OPCML: variants seen among roughly 807,000 people sequenced by gnomAD.
OPCML encodes opioid-binding protein/cell adhesion molecule.
A neutral mutation model predicts 37.8 loss-of-function variants in OPCML; 13 were observed. The ratio of observed to expected loss-of-function variants is 0.34; its 90% CI spans 0.22 to 0.55. The LOEUF is 0.55. Among genes scored for constraint, OPCML ranks in the 20% least tolerant of loss-of-function variants. The pLI is 0.91. For synonymous variants in OPCML, 176 were observed against 168.8 expected (o/e 1.04, Z -0.33); for missense variants, 341 against 435.6 (o/e 0.78, Z 1.93).
At position 133,133,259 on chromosome 11, in the gene OPCML, T is replaced by C. The variant is rs148039674; in HGVS notation, c.62-190249A>G. Reference sequence around the variant, plus strand: ...GGGTGGCAGGGCGGCTGGAGTCTGGTTCGGAAGCAGTGTCCTGATTGTGCA... The same window carrying C: ...GGGTGGCAGGGCGGCTGGAGTCTGGCTCGGAAGCAGTGTCCTGATTGTGCA... On this transcript the variant is annotated intron_variant, in intron 1 of 7. Transcript: ENST00000524381. Among the ~76,000 whole-genome samples the C allele has an allele frequency of 1.4e-4, 22 of 152,230 alleles. 1 individual carries two copies. In the East Asian group the frequency reaches 4.2e-3, roughly 29 times the overall value.
intron 2 of OPCML, among the ~76,000 whole-genome samples, chr11:132,710,521 T>C (rs1237337685): frequency 6.6e-6 from 1 of 152,186 alleles, no homozygotes; most frequent in East Asian, 1.9e-4. Flanking sequence ...AACAATTGCC[T>C]ATTAGTTGTC....
rs574073056 is a variant in OPCML, at chr11:132,499,198, G to A, written c.505+29863C>T. Among the ~76,000 whole-genome samples, 5 of 152,286 alleles carry A rather than the reference G, an allele frequency of 3.3e-5. No individual in the cohort carries two copies. The South Asian group carries it at 1.0e-3, about 32-fold the overall frequency. ...TCCAGGTGCAGGGAGCTGAGGAAAG[G>A]GTCCCTCTGCCAGCCCTAAGACAGC... On this transcript the variant is annotated intron_variant, in intron 4 of 7. Coordinates refer to ENST00000524381, the MANE Select transcript of OPCML (RefSeq NM_001012393.5).
intron 1 of OPCML, chr11:133,006,626 T>C (rs1316992309): frequency 1.0e-6 from 1 of 985,460 alleles, no homozygotes; most frequent in Admixed American, 6.1e-5. Context: ...GCCAGAACTA[T>C]GTGAAACTCA....
At chr11:133,142,769 G>T (rs914275702) in intron 1 of OPCML, among the ~76,000 whole-genome samples, 1 of 152,068 alleles carries the variant, frequency 6.6e-6, no homozygotes, top group African/African-American at 2.4e-5. Context: ...AGAGATGGCT[G>T]TTGTATGATG....
chr11:132,435,752 C>A (rs575036079), intron 7 of OPCML, among the ~76,000 whole-genome samples: 1 of 152,322 alleles, frequency 6.6e-6, no homozygotes, highest in East Asian at 1.9e-4. Context: ...ATCAGAGACT[C>A]CAACTACAGA....
rs372606200 is a variant in OPCML, at chr11:133,044,276, T to C, written c.62-101266A>G. Among the ~76,000 whole-genome samples the C allele has an allele frequency of 1.8e-4, 27 of 152,184 alleles. 1 individual carries two copies. The East Asian group carries it at 4.3e-3, about 24-fold the overall frequency. The stretch of plus-strand genomic sequence containing the variant: ...AGCTAGAGAAAGGGGTAAAAGATAG[T>C]AAATGTAGAGATTCGAGGCAAAGGA... On this transcript the variant is annotated intron_variant, in intron 1 of 7. Coordinates refer to ENST00000524381, the MANE Select transcript of OPCML (RefSeq NM_001012393.5).
chr11:132,885,118 C>A (rs1240308615), intron 2 of OPCML, among the ~76,000 whole-genome samples: 1 of 152,234 alleles, frequency 6.6e-6, no homozygotes, highest in Non-Finnish European at 1.5e-5. Context: ...CACCCCACCA[C>A]CAAATGCCAG....
intron 1 of OPCML, among the ~76,000 whole-genome samples, chr11:133,227,916 C>T (rs891135112): frequency 6.6e-6 from 1 of 152,192 alleles, no homozygotes; most frequent in Non-Finnish European, 1.5e-5. Flanking sequence ...TTGGGTCAGG[C>T]TTTGGCCCAG....
chr11:132,663,139 A>G (rs1942057901), intron 2 of OPCML, among the ~76,000 whole-genome samples: 1 of 152,240 alleles, frequency 6.6e-6, no homozygotes, highest in Admixed American at 6.5e-5. Flanking sequence ...TAGAGCTTAC[A>G]TCACTGAATT....
At chr11:132,941,295 TG>T (rs1389412430) in intron 2 of OPCML, among the ~76,000 whole-genome samples, 1 of 152,156 alleles carries the variant, frequency 6.6e-6, no homozygotes, top group Non-Finnish European at 1.5e-5. Flanking sequence ...TTGAAGTTTC[TG>T]GTTTAATTTT....
chr11:133,131,075 C>G (rs557131572), intron 1 of OPCML, among the ~76,000 whole-genome samples: 2 of 152,168 alleles, frequency 1.3e-5, no homozygotes, highest in South Asian at 4.2e-4. Flanking sequence ...TGTCCTTACA[C>G]AAGGGACCCT....
intron 1 of OPCML, among the ~76,000 whole-genome samples, chr11:133,399,044 G>A (rs1945346011): frequency 6.6e-6 from 1 of 152,182 alleles, no homozygotes; most frequent in African/African-American, 2.4e-5. Context: ...CACAAAATTG[G>A]GAATCTTGGT....
rs868429624 is a variant in OPCML, at chr11:132,650,172, A to G, written c.379+6915T>C. On this transcript the variant is annotated intron_variant, in intron 3 of 7. Coordinates refer to ENST00000524381, the MANE Select transcript of OPCML (RefSeq NM_001012393.5). ...TTCTCTAACCAAAAAGTGAACAACA[A>G]GGTTTACAGTCACCCCTAACTAGCA... Among the ~76,000 whole-genome samples, 4 of 152,360 alleles carry G rather than the reference A, an allele frequency of 2.6e-5. 1 individual carries two copies. In the South Asian group the frequency reaches 6.2e-4, roughly 24 times the overall value.
At chr11:132,422,963 T>C (rs1044287042) in intron 7 of OPCML, among the ~76,000 whole-genome samples, 4 of 152,234 alleles carry the variant, frequency 2.6e-5, no homozygotes, top group African/African-American at 9.6e-5. Flanking sequence ...CTTCTCGCAT[T>C]GCAAATTGAG....
chr11:132,832,669 A>T (rs1481296659), intron 2 of OPCML, among the ~76,000 whole-genome samples: 1 of 152,252 alleles, frequency 6.6e-6, no homozygotes, highest in Non-Finnish European at 1.5e-5. Flanking sequence ...CTTTTCAAAT[A>T]CGGTCATGTG....
chr11:133,103,767 G>C (rs908064282), intron 1 of OPCML, among the ~76,000 whole-genome samples: 3 of 152,142 alleles, frequency 2.0e-5, no homozygotes, highest in Admixed American at 1.3e-4. Context: ...TACCAGGCTG[G>C]CATTAAAGTA....
At chr11:133,490,078 G>A (rs1397304341) in intron 1 of OPCML, among the ~76,000 whole-genome samples, 1 of 152,144 alleles carries the variant, frequency 6.6e-6, no homozygotes, top group African/African-American at 2.4e-5. Flanking sequence ...AATCAGCTAT[G>A]GCTAAGGATA....
chr11:133,373,755 G>A (rs908297585), intron 1 of OPCML, among the ~76,000 whole-genome samples: 13 of 151,966 alleles, frequency 8.6e-5, no homozygotes, highest in South Asian at 2.1e-4. Context: ...TTAAATGTTC[G>A]GTGAATGTGT....
chr11:133,524,780 C>T (rs1330186916), intron 1 of OPCML, among the ~76,000 whole-genome samples: 2 of 152,342 alleles, frequency 1.3e-5, no homozygotes, highest in African/African-American at 4.8e-5. Context: ...ATTCCCTGCA[C>T]ATTCCCGTCT....
Sources: gnomAD v4.1 joint callset for allele counts (sites outside exome capture counted in the v4.1 genomes callset) on GRCh38, gnomAD v4.1.1 for gene constraint, MANE v1.5 for transcripts, NCBI Gene and HGNC (gene_info 2026-07-23, HGNC 2026-07-21) for gene names.